The following CUX2 variants were observed in gnomAD, a reference collection of about 807,000 sequenced individuals.
CUX2 encodes the protein cut like homeobox 2, also known as homeobox protein cut-like 2.
Under a neutral mutation model 144.8 loss-of-function variants are expected in CUX2, and 40 were observed. The observed-to-expected ratio is 0.28, with a 90% confidence interval of 0.21 to 0.36. CUX2 has a LOEUF of 0.36. Among genes scored for constraint, CUX2 ranks in the 10% least tolerant of loss-of-function variants. CUX2 has a pLI of 1.00. For missense variants in CUX2, 1,615 were observed against 1,994.0 expected, an observed-to-expected ratio of 0.81 and a Z score of 3.62; for synonymous variants, 827 against 875.6, an observed-to-expected ratio of 0.94 and a Z score of 0.98.
chr12:111,228,166 G>A (rs968678518), intron 3 of CUX2, among the ~76,000 whole-genome samples: 3 of 152,122 alleles, frequency 2.0e-5, no homozygotes, highest in Admixed American at 6.5e-5. Context: ...GTACAGTGAG[G>A]GACATGCATA....
At chr12:111,085,062 C>A (rs567440514) in intron 1 of CUX2, among the ~76,000 whole-genome samples, 2 of 152,132 alleles carry the variant, frequency 1.3e-5, no homozygotes, top group African/African-American at 2.4e-5. Flanking sequence ...GTGGAGCTGA[C>A]CTTCTAGTCT....
chr12:111,079,808 C>T (rs1385571390), intron 1 of CUX2, among the ~76,000 whole-genome samples: 1 of 152,136 alleles, frequency 6.6e-6, no homozygotes, highest in Non-Finnish European at 1.5e-5. Flanking sequence ...TGGGATGTTC[C>T]AAGTGTGGGT....
chr12:111,319,392 T>G (rs916216075), intron 16 of CUX2, among the ~76,000 whole-genome samples: 2 of 152,324 alleles, frequency 1.3e-5, no homozygotes, highest in Middle Eastern at 3.4e-3. Flanking sequence ...TTTCTGTGCC[T>G]TCGTGTTTTC....
At chr12:111,220,743 C>CAAAAAA (rs549438290) in intron 3 of CUX2, among the ~76,000 whole-genome samples, 5 of 39,130 alleles carry the variant, frequency 1.3e-4, no homozygotes, top group African/African-American at 5.2e-4. Context: ...CTCATCTCTG[C>CAAAAAA]AAAAAAAAAA....
At chr12:111,125,283 G>A (rs565137877) in intron 1 of CUX2, among the ~76,000 whole-genome samples, 7 of 151,832 alleles carry the variant, frequency 4.6e-5, no homozygotes, top group East Asian at 3.9e-4. Context: ...GGGTTCAAGC[G>A]ATTCTCCTGC....
intron 1 of CUX2, among the ~76,000 whole-genome samples, chr12:111,170,859 A>T (rs1352912619): frequency 6.6e-6 from 1 of 152,034 alleles, no homozygotes; most frequent in East Asian, 1.9e-4. Context: ...CCAGCGTGGT[A>T]GGAAGGCCGA....
chr12:111,038,332 T>C (rs990849350), intron 1 of CUX2, among the ~76,000 whole-genome samples: 1 of 152,242 alleles, frequency 6.6e-6, no homozygotes, highest in African/African-American at 2.4e-5. Context: ...GTAAATAAGC[T>C]ATCAGCCCTG....
chr12:111,265,304 TTTTATTTTTATTTTA>T (rs1343626337), intron 4 of CUX2, among the ~76,000 whole-genome samples: 3 of 145,778 alleles, frequency 2.1e-5, no homozygotes, highest in Non-Finnish European at 4.5e-5. Context: ...TTTTATTTTA[TTTTATTTTTATTTTA>T]TTTTATTTTA....
At chr12:111,294,540 G>A (rs943772577) in intron 6 of CUX2, among the ~76,000 whole-genome samples, 2 of 145,676 alleles carry the variant, frequency 1.4e-5, no homozygotes, top group Non-Finnish European at 3.0e-5. Flanking sequence ...CTATGATTGC[G>A]CCACTGCACT....
At chr12:111,214,158 C>G (rs770774424) in intron 1 of CUX2, 42 bp from the exon 2 acceptor site, 1 of 1,229,306 alleles carries the variant, frequency 8.1e-7, no homozygotes, top group Middle Eastern at 2.1e-4. Context: ...AAATCTTTTT[C>G]TTTTCTCTCT....
Position 111,287,302 on chromosome 12 carries a change from C to T in CUX2, c.302-4116C>T, listed in dbSNP as rs3809279. On this transcript the variant is annotated intron_variant, in intron 4 of 21. Coordinates refer to ENST00000261726, the MANE Select transcript of CUX2 (RefSeq NM_015267.4). The surrounding 1 kb of genome is among the most constrained non-coding windows in gnomAD (Gnocchi z 4.2). ...GCCCCTGGGCCACGAGCCGGATCCT[C>T]CCCCTCCTTGGAACCGGAGCAAGCC... is the stretch of plus-strand genomic sequence containing the variant. Among the ~76,000 whole-genome samples, 4,953 of 152,346 alleles carry T rather than the reference C, an allele frequency of 0.033. 218 individuals are homozygous for T. Among genetic ancestry groups the T allele is most frequent in the East Asian group, 0.17 (874 of 5,172 alleles).
At position 111,073,327 on chromosome 12, in the gene CUX2, G is replaced by A. The variant is rs748931624; in HGVS notation, c.63+39087G>A. Among the ~76,000 whole-genome samples the A allele has an allele frequency of 4.6e-5, 7 of 152,136 alleles. No individual in the cohort carries two copies. The South Asian group carries it at 6.2e-4, about 14-fold the overall frequency. ...TTCTCAAGATTCACCTGTGTTGTGC[G>A]GCATTACAGTTTGTTGTCATTGCTG... On this transcript the variant is annotated intron_variant, in intron 1 of 21. Transcript: ENST00000261726.
chr12:111,246,079 G>A lies in CUX2; in HGVS notation c.223-17682G>A, dbSNP rs1000212837. On this transcript the variant is annotated intron_variant, in intron 3 of 21. Coordinates refer to ENST00000261726, the MANE Select transcript of CUX2 (RefSeq NM_015267.4). The surrounding 1 kb of genome is among the most constrained non-coding windows in gnomAD (Gnocchi z 4.0). The stretch of plus-strand genomic sequence containing the variant: ...TCAGGGCCAAGCTGCTCTGTCTCCC[G>A]ATCCCTACTCTGCCAGCTTTCCTAG... 5.9e-5 allele frequency among the ~76,000 whole-genome samples: 9 copies of A among 152,116 alleles called. No homozygotes were observed. The highest frequency in any genetic ancestry group is 1.9e-4 in the East Asian group (1 of 5,190).
chr12:111,216,258 A>G (rs1411476562), intron 2 of CUX2, among the ~76,000 whole-genome samples: 1 of 152,196 alleles, frequency 6.6e-6, no homozygotes, highest in Non-Finnish European at 1.5e-5. Flanking sequence ...TAGCTGCGCC[A>G]TTCACTTGCT....
chr12:111,336,364 A>G (rs1888348681), intron 19 of CUX2, among the ~76,000 whole-genome samples: 1 of 152,160 alleles, frequency 6.6e-6, no homozygotes. Flanking sequence ...GTACAGGAAA[A>G]AAAAAGTTAC....
At chr12:111,055,439 C>G (rs1870472080) in intron 1 of CUX2, among the ~76,000 whole-genome samples, 1 of 152,272 alleles carries the variant, frequency 6.6e-6, no homozygotes, top group African/African-American at 2.4e-5. Context: ...GGAGGATATC[C>G]TCTTCAGCCT....
At chr12:111,278,095 G>A (rs1884964492) in intron 4 of CUX2, among the ~76,000 whole-genome samples, 1 of 152,122 alleles carries the variant, frequency 6.6e-6, no homozygotes, top group Non-Finnish European at 1.5e-5. Flanking sequence ...CCTTCCATCT[G>A]CAACCTTCAG....
At chr12:111,151,593 G>A (rs943259824) in intron 1 of CUX2, among the ~76,000 whole-genome samples, 42 of 152,316 alleles carry the variant, frequency 2.8e-4, no homozygotes, top group Non-Finnish European at 6.0e-4. Context: ...TGCGTGGAGG[G>A]CAGACGGCAG....
At chr12:111,078,421 C>T (rs889355340) in intron 1 of CUX2, among the ~76,000 whole-genome samples, 1 of 152,072 alleles carries the variant, frequency 6.6e-6, no homozygotes, top group Non-Finnish European at 1.5e-5. Flanking sequence ...AATCCCAGAA[C>T]TTTGGGAGGC....
Sources: gnomAD v4.1 joint callset for allele counts (sites outside exome capture counted in the v4.1 genomes callset) on GRCh38, gnomAD v4.1.1 for gene constraint, Gnocchi (gnomAD v3.1) non-coding constraint, MANE v1.5 for transcripts, NCBI Gene and HGNC (gene_info 2026-07-23, HGNC 2026-07-21) for gene names.